Variants in PDE10A observed in about 807,000 individuals in gnomAD.
PDE10A encodes the protein phosphodiesterase 10A.
PDE10A carries 39 observed loss-of-function variants against 97.7 expected under a neutral mutation model. The ratio of observed to expected loss-of-function variants is 0.40; its 90% confidence interval spans 0.31 to 0.52. PDE10A has a LOEUF of 0.52. Ranked by LOEUF, PDE10A falls within the 20% of genes least tolerant of loss-of-function variation. The pLI is 0.56. For synonymous variants in PDE10A, 371 were observed against 376.8 expected (o/e 0.98, Z 0.18); for missense variants, 731 against 1,047.8 (o/e 0.70, Z 4.17).
intron 1 of PDE10A, among the ~76,000 whole-genome samples, chr6:165,900,935 A>G (rs1376339692): frequency 2.0e-5 from 3 of 152,182 alleles, no homozygotes. Context: ...TTGTGTTTAA[A>G]ACCAGACCTG....
chr6:165,405,243 T>C (rs1385899891), intron 13 of PDE10A, among the ~76,000 whole-genome samples: 1 of 152,150 alleles, frequency 6.6e-6, no homozygotes, highest in African/African-American at 2.4e-5. Flanking sequence ...AATACTGACT[T>C]CTCTCTTCCT....
chr6:165,778,120 G>T (rs963365925), intron 1 of PDE10A, among the ~76,000 whole-genome samples: 3 of 151,852 alleles, frequency 2.0e-5, no homozygotes, highest in Non-Finnish European at 2.9e-5. Context: ...TGTCACCCAG[G>T]CTGGAGTGCA....
At chr6:165,434,650 TAC>T (rs1199424666) in intron 6 of PDE10A, among the ~76,000 whole-genome samples, 2 of 152,222 alleles carry the variant, frequency 1.3e-5, no homozygotes, top group Admixed American at 6.5e-5. Context: ...TGTTTCCCAC[TAC>T]TTCTCTCAGA....
chr6:165,967,821 TCCC>T lies in PDE10A; in HGVS notation c.-615+19705_-615+19707del, dbSNP rs1424247015. Reference sequence around the variant, plus strand: ...TGAATTTATACACAAGAGAAGTGATTCCCATGTTTCATTTGATGTGTAAATAGA... The same window carrying T: ...TGAATTTATACACAAGAGAAGTGATTATGTTTCATTTGATGTGTAAATAGA... On this transcript the variant is annotated intron_variant, in intron 1 of 19. Coordinates refer to the PDE10A transcript ENST00000366882. Among the ~76,000 whole-genome samples the T allele has an allele frequency of 3.2e-4, 48 of 152,338 alleles. No homozygotes were observed. The South Asian group carries it at 4.6e-3, about 14-fold the overall frequency.
chr6:165,610,595 A>G (rs1017310869), intron 1 of PDE10A, among the ~76,000 whole-genome samples: 1 of 151,958 alleles, frequency 6.6e-6, no homozygotes, highest in Non-Finnish European at 1.5e-5. Context: ...TGGCACTGGG[A>G]AAACTGGCTA....
chr6:165,587,912 T>C (rs1462882121), intron 1 of PDE10A, among the ~76,000 whole-genome samples: 3 of 152,232 alleles, frequency 2.0e-5, no homozygotes, highest in Non-Finnish European at 4.4e-5. Context: ...GTCATTGGTA[T>C]GGACGGCTTA....
intron 1 of PDE10A, among the ~76,000 whole-genome samples, chr6:165,768,408 G>T (rs975741111): frequency 8.6e-5 from 13 of 152,036 alleles, no homozygotes; most frequent in African/African-American, 2.9e-4. Context: ...TTTACTTTTA[G>T]ATTTTACATT....
chr6:165,858,096 T>C (rs994113903), intron 1 of PDE10A, among the ~76,000 whole-genome samples: 6 of 152,218 alleles, frequency 3.9e-5, no homozygotes, highest in Non-Finnish European at 1.5e-5. Context: ...AGTACTGTTG[T>C]TTAGTAAAAC....
At chr6:165,472,858 T>C (rs376418889) in intron 3 of PDE10A, among the ~76,000 whole-genome samples, 16 of 152,178 alleles carry the variant, frequency 1.1e-4, no homozygotes, top group African/African-American at 3.1e-4. Flanking sequence ...AGTTATATAA[T>C]TGTTATTTTA....
chr6:165,404,218 T>C (rs1176459234), intron 13 of PDE10A, among the ~76,000 whole-genome samples: 1 of 152,116 alleles, frequency 6.6e-6, no homozygotes, highest in Non-Finnish European at 1.5e-5. Context: ...GGAAATGCTG[T>C]GCTGTTTATT....
chr6:165,471,799 G>C (rs1460655226), intron 3 of PDE10A, among the ~76,000 whole-genome samples: 2 of 152,020 alleles, frequency 1.3e-5, no homozygotes, highest in Admixed American at 6.6e-5. Context: ...TTTCTTATTA[G>C]ACTTACTACA....
chr6:165,381,680 A>G lies in PDE10A; in HGVS notation c.2611-2314T>C, dbSNP rs904865398. ...GTATTTTTAGTAGAGACGGAGTTTC[A>G]CCATGTTGGCCAGGATGCTCTTCAT... On this transcript the variant is annotated intron_variant, in intron 17 of 21. Coordinates refer to ENST00000539869, the MANE Select transcript of PDE10A (RefSeq NM_001385079.1). Among the ~76,000 whole-genome samples, 4 of 134,378 alleles carry G rather than the reference A, an allele frequency of 3.0e-5. No individual in the cohort carries two copies. The Admixed American group carries it at 3.4e-4, about 11-fold the overall frequency. The allele number at this position is 134,378 out of a possible 152,430, so 88.2% of individuals were successfully genotyped here.
rs139987482 is a variant in PDE10A at position 165,674,706 on chromosome 6, A to G, written c.-614-131138T>C. ...AAGGAGAGAAGCTGCTAGCAGCTCA[A>G]AATGCCTGAATTTGGATTACTTTCC... On this transcript the variant is annotated intron_variant, in intron 1 of 19. Transcript: ENST00000366882. Among the ~76,000 whole-genome samples the G allele has an allele frequency of 2.0e-3, 311 of 152,344 alleles. 2 individuals carry two copies. Among genetic ancestry groups the G allele is most frequent in the African/African-American group, 7.1e-3 (296 of 41,588 alleles).
intron 1 of PDE10A, among the ~76,000 whole-genome samples, chr6:165,760,834 G>A (rs1419641561): frequency 6.6e-6 from 1 of 152,198 alleles, no homozygotes; most frequent in Non-Finnish European, 1.5e-5. Context: ...AGGGATTTGA[G>A]TTGTGGGCTT....
At chr6:165,381,004 C>T (rs1784893058) in intron 17 of PDE10A, among the ~76,000 whole-genome samples, 1 of 151,562 alleles carries the variant, frequency 6.6e-6, no homozygotes, top group African/African-American at 2.4e-5. Flanking sequence ...AAGGGAATCA[C>T]AGCTGATACA....
chr6:165,953,656 A>G (rs1583338905), intron 1 of PDE10A, among the ~76,000 whole-genome samples: 1 of 152,326 alleles, frequency 6.6e-6, no homozygotes. Flanking sequence ...CTGAGCAGAC[A>G]GTAGAGAGTC....
In PDE10A at chr6:165,671,085, G is replaced by GT. The variant is rs1790634419; in HGVS notation, c.-614-127518dup. ...ACTGGTAAAGAGTCTGATTTCCTAG[G>GT]TTTTCAACATATCAATGTTAGAATC... is the stretch of plus-strand genomic sequence containing the variant. On this transcript the variant is annotated intron_variant, in intron 1 of 19. Coordinates refer to the PDE10A transcript ENST00000366882. The surrounding 1 kb of genome is among the most constrained non-coding windows in gnomAD (Gnocchi z 4.6). 6.6e-6 allele frequency among the ~76,000 whole-genome samples: 1 copy of GT among 151,744 alleles called. No homozygotes were observed. Among genetic ancestry groups the GT allele is most frequent in the Non-Finnish European group, 1.5e-5 (1 of 67,978 alleles).
chr6:165,837,659 GTTTTTT>G (rs386409265), intron 1 of PDE10A, among the ~76,000 whole-genome samples: 24 of 83,498 alleles, frequency 2.9e-4, no homozygotes, highest in African/African-American at 1.2e-3. Context: ...ATCTCTCCTG[GTTTTTT>G]TTTTTTTTTT....
intron 1 of PDE10A, among the ~76,000 whole-genome samples, chr6:165,705,589 AT>A (rs906650592): frequency 6.6e-6 from 1 of 152,234 alleles, no homozygotes; most frequent in Non-Finnish European, 1.5e-5. Flanking sequence ...TGGTAACAGA[AT>A]TGTGGTATGT....
Sources: allele counts gnomAD v4.1 joint callset (sites outside exome capture counted in the v4.1 genomes callset), GRCh38; gene constraint gnomAD v4.1.1; non-coding constraint Gnocchi (gnomAD v3.1); transcripts MANE v1.5; gene names NCBI Gene and HGNC (gene_info 2026-07-23, HGNC 2026-07-21).